Variants in FAM220A observed in about 807,000 individuals in gnomAD.
The protein encoded by FAM220A is protein FAM220A.
For synonymous variants in FAM220A, 141 were observed against 130.7 expected (o/e 1.08, Z -0.54); for missense variants, 392 against 321.6 (o/e 1.22, Z -1.68).
rs1312024968 is a variant in FAM220A, at chr7:6,330,635, C to G, written c.520G>C (p.Ala174Pro). 1 of 1,614,150 alleles carries G rather than the reference C, an allele frequency of 6.2e-7. No individual in the cohort carries two copies. The highest frequency in any genetic ancestry group is 2.2e-5 in the East Asian group (1 of 44,866). Residue 174 changes from alanine (A) to proline (P), a missense_variant, in exon 2 of 2, where the codon GCT becomes CCT. Ala to Pro is a conservative substitution (Grantham distance 27). Transcript: ENST00000313324. ...TCAGAGCCCAGACCCTTGGGAAAAG[C>G]ACTTGGTGGGTCATCCTGAAAACTT... ...MGSFQDDPPS[A>P]FPKGLGSELE... is the part of the protein sequence containing the mutation.
chr7:6,343,370 T>TC (rs2115147296), intron 1 of FAM220A, among the ~76,000 whole-genome samples: 1 of 137,866 alleles, frequency 7.3e-6, no homozygotes, highest in East Asian at 2.0e-4. Flanking sequence ...AGAGTGAAAC[T>TC]CCGTCTCAAA....
chr7:6,332,880 G>A (rs1781664661), intron 1 of FAM220A, among the ~76,000 whole-genome samples: 4 of 152,118 alleles, frequency 2.6e-5, no homozygotes, highest in South Asian at 2.1e-4. Context: ...ATAAATTTTG[G>A]CCAGGCGCAG....
chr7:6,340,032 G>C (rs1160869051), intron 1 of FAM220A, among the ~76,000 whole-genome samples: 1 of 152,066 alleles, frequency 6.6e-6, no homozygotes, highest in Non-Finnish European at 1.5e-5. Flanking sequence ...TTACAGGCAT[G>C]CACCACCACA....
chr7:6,337,674 C>T (rs1015678562), intron 1 of FAM220A, among the ~76,000 whole-genome samples: 1 of 151,490 alleles, frequency 6.6e-6, no homozygotes, highest in Non-Finnish European at 1.5e-5. Flanking sequence ...TAAAAAAATT[C>T]ATTTAATAAG....
intron 1 of FAM220A, among the ~76,000 whole-genome samples, chr7:6,334,434 G>A (rs1372124058): frequency 1.3e-5 from 2 of 151,774 alleles, no homozygotes; most frequent in South Asian, 2.1e-4. Context: ...TACTCGGGAG[G>A]GTGAGGCAGG....
At chr7:6,337,955 T>C (rs1583238732) in intron 1 of FAM220A, among the ~76,000 whole-genome samples, 1 of 151,692 alleles carries the variant, frequency 6.6e-6, no homozygotes, top group Middle Eastern at 3.4e-3. Flanking sequence ...AGGCACCAGC[T>C]GCCACGCCCA....
At position 6,333,772 on chromosome 7, in the gene FAM220A, C is replaced by CTTT. The variant is rs531956945; in HGVS notation, c.-81-2540_-81-2538dup. On this transcript the variant is annotated intron_variant, in intron 1 of 1. Transcript: ENST00000313324. ...AGTAGGTGACTTGAAGAACAAGTGT[C>CTTT]TTTTTTTTTTTTTTAATAGAGACAG... 5.8e-3 allele frequency among the ~76,000 whole-genome samples: 723 copies of CTTT among 125,066 alleles called. 8 individuals are homozygous for CTTT. Among genetic ancestry groups the CTTT allele is most frequent in the African/African-American group, 0.02 (686 of 34,412 alleles). 82.0% of individuals were successfully genotyped at this position (125,066 alleles called of 152,430 possible).
intron 1 of FAM220A, among the ~76,000 whole-genome samples, chr7:6,337,560 T>A (rs1781771609): frequency 6.6e-6 from 1 of 151,702 alleles, no homozygotes. Context: ...TAGAATTGTG[T>A]TAAAGTACTT....
chr7:6,346,069 A>G (rs1007058604), intron 1 of FAM220A, among the ~76,000 whole-genome samples: 3 of 152,072 alleles, frequency 2.0e-5, no homozygotes, highest in Non-Finnish European at 2.9e-5. Context: ...ATGCCCAGCC[A>G]AAGTTTGTTT....
chr7:6,330,272 C>T lies in FAM220A; in HGVS notation c.*103G>A, dbSNP rs1392363721. On this transcript the variant is annotated 3_prime_UTR_variant, in exon 2 of 2. Coordinates refer to ENST00000313324, the MANE Select transcript of FAM220A (RefSeq NM_001037163.2). ...TCTGCCAGGTCGTACAAAACTACAGCAGGAACCTAAGGGCTGCACAGTTTG... is the reference window on the plus strand; with the variant it reads ...TCTGCCAGGTCGTACAAAACTACAGTAGGAACCTAAGGGCTGCACAGTTTG... The T allele has an allele frequency of 5.3e-6, 6 of 1,142,448 alleles. No individual in the cohort carries two copies. In the East Asian group the frequency reaches 1.5e-4, roughly 28 times the overall value. The allele number at this position is 1,142,448 out of a possible 1,614,324, so 70.8% of individuals were successfully genotyped here.
chr7:6,343,193 A>G (rs1449449175), intron 1 of FAM220A, among the ~76,000 whole-genome samples: 1 of 151,408 alleles, frequency 6.6e-6, no homozygotes. Context: ...CCTGGCCAAC[A>G]TGGTGAAGCC....
chr7:6,347,893 T>C (rs574307591), intron 1 of FAM220A, among the ~76,000 whole-genome samples: 1 of 142,704 alleles, frequency 7.0e-6, no homozygotes, highest in East Asian at 2.1e-4. Context: ...TTTATTATTA[T>C]TATTATTATT....
chr7:6,333,674 T>TTTTTC (rs1781684484), intron 1 of FAM220A, among the ~76,000 whole-genome samples: 1 of 151,454 alleles, frequency 6.6e-6, no homozygotes, highest in Non-Finnish European at 1.5e-5. Context: ...AATTTTTTTT[T>TTTTTC]TTTCAGAGCA....
At chr7:6,340,536 C>T (rs1349043600) in intron 1 of FAM220A, among the ~76,000 whole-genome samples, 1 of 152,124 alleles carries the variant, frequency 6.6e-6, no homozygotes, top group Non-Finnish European at 1.5e-5. Flanking sequence ...AGACCACCCA[C>T]AGCTTCCCCA....
intron 1 of FAM220A, chr7:6,338,809 T>A (rs1483034207): frequency 6.6e-6 from 1 of 152,308 alleles, no homozygotes; most frequent in African/African-American, 2.4e-5. Flanking sequence ...ACTAAAAATA[T>A]CTTGGCCCCA....
intron 1 of FAM220A, among the ~76,000 whole-genome samples, chr7:6,334,552 C>A (rs1032447532): frequency 2.5e-4 from 38 of 152,022 alleles, no homozygotes; most frequent in African/African-American, 8.7e-4. Context: ...ACTGCAAACT[C>A]TGCCTCCTGG....
intron 1 of FAM220A, among the ~76,000 whole-genome samples, chr7:6,344,696 G>C (rs1233847116): frequency 4.6e-5 from 7 of 152,000 alleles, no homozygotes. Flanking sequence ...TGGGATTACA[G>C]GGTTGAGTCA....
chr7:6,340,656 T>C (rs566533716), intron 1 of FAM220A, among the ~76,000 whole-genome samples: 3 of 152,072 alleles, frequency 2.0e-5, no homozygotes, highest in South Asian at 2.1e-4. Context: ...TCCCAGCACT[T>C]TGGGAGGCCG....
At chr7:6,338,058 C>T (rs1471486268) in intron 1 of FAM220A, among the ~76,000 whole-genome samples, 1 of 152,154 alleles carries the variant, frequency 6.6e-6, no homozygotes, top group Non-Finnish European at 1.5e-5. Flanking sequence ...CCTGCCTCAG[C>T]CTCCCAAAGC....
Sources: allele counts gnomAD v4.1 joint callset (sites outside exome capture counted in the v4.1 genomes callset), GRCh38; gene constraint gnomAD v4.1.1; transcripts MANE v1.5; gene names NCBI Gene and HGNC (gene_info 2026-07-23, HGNC 2026-07-21).